Variants in NIN observed in about 807,000 individuals in gnomAD.
The protein encoded by NIN is ninein.
NIN carries 137 observed loss-of-function variants against 257.6 expected under a neutral mutation model. The ratio of observed to expected loss-of-function variants is 0.53; its 90% CI spans 0.46 to 0.61. NIN has a LOEUF of 0.61. Ranked by LOEUF, NIN falls within the 20% of genes least tolerant of loss-of-function variation. The pLI is 0.00. For synonymous variants in NIN, 918 were observed against 919.8 expected, an observed-to-expected ratio of 1.00 and a Z score of 0.04; for missense variants, 2,439 against 2,501.2, an observed-to-expected ratio of 0.98 and a Z score of 0.53.
chr14:50,743,544 G>GAA lies in NIN; in HGVS notation c.5188-17_5188-16dup, dbSNP rs777550534. 1 of 1,558,174 alleles carries GAA rather than the reference G, an allele frequency of 6.4e-7. No homozygotes were observed. Among genetic ancestry groups the GAA allele is most frequent in the Non-Finnish European group, 8.8e-7 (1 of 1,130,014 alleles). ...GATTTTGCCAACTGTTTCAGGAAGG[G>GAA]AAAAAGAGGTAAGAGGGCATTTTTG... is the stretch of plus-strand genomic sequence containing the variant. On this transcript the variant is annotated splice_polypyrimidine_tract_variant and intron_variant, in intron 23 of 30. Coordinates refer to ENST00000530997, the MANE Select transcript of NIN (RefSeq NM_020921.4).
intron 28 of NIN, among the ~76,000 whole-genome samples, chr14:50,733,156 G>A (rs1020889287): frequency 4.0e-5 from 6 of 151,230 alleles, no homozygotes; most frequent in Non-Finnish European, 7.4e-5. Context: ...GCAGTGGCAC[G>A]ATCTTGGCTC....
chr14:50,813,424 G>A (rs2044732489), intron 3 of NIN, among the ~76,000 whole-genome samples: 1 of 152,116 alleles, frequency 6.6e-6, no homozygotes, highest in South Asian at 2.1e-4. Flanking sequence ...CACGACTGAC[G>A]AAAAATACAC....
At chr14:50,768,118 T>C (rs1310697618) in intron 12 of NIN, among the ~76,000 whole-genome samples, 1 of 151,844 alleles carries the variant, frequency 6.6e-6, no homozygotes, top group East Asian at 1.9e-4. Flanking sequence ...ATTTGACATT[T>C]TTCTTTTCCA....
In NIN at chr14:50,721,099, CCTT is replaced by C. The variant is rs2140294563; in HGVS notation, c.*2361_*2363del. The C allele has an allele frequency of 5.1e-6, 1 of 196,748 alleles. No homozygotes were observed. The highest frequency in any genetic ancestry group is 1.1e-5 in the Non-Finnish European group (1 of 94,822). 12.2% of individuals were successfully genotyped at this position (196,748 alleles called of 1,614,324 possible). A position where few individuals can be genotyped will look rare whatever the true frequency, so the allele number is the denominator to read the frequency against. On this transcript the variant is annotated 3_prime_UTR_variant, in exon 31 of 31. Coordinates refer to ENST00000530997, the MANE Select transcript of NIN (RefSeq NM_020921.4). The stretch of plus-strand genomic sequence containing the variant: ...CAACTAAATTATAAATTGCCACTCA[CCTT>C]CTCAAAAATTGTTGCACAAATGCAT...
chr14:50,802,259 AT>A (rs1473316675), intron 4 of NIN, among the ~76,000 whole-genome samples: 4 of 152,172 alleles, frequency 2.6e-5, no homozygotes, highest in African/African-American at 9.7e-5. Flanking sequence ...CTTTATCTGA[AT>A]TTCAATATTT....
intron 12 of NIN, among the ~76,000 whole-genome samples, chr14:50,767,140 C>T (rs1189455879): frequency 6.6e-6 from 1 of 152,204 alleles, no homozygotes. Flanking sequence ...CTGCTAGTAG[C>T]CATACTGGGT....
chr14:50,763,805 A>G (rs1195786656), intron 15 of NIN, 21 bp downstream of exon 15: 2 of 1,610,962 alleles, frequency 1.2e-6, no homozygotes, highest in African/African-American at 2.7e-5. Context: ...CTTTATCTAC[A>G]GCCTGTCCGA....
At chr14:50,729,747 G>C (rs745360444) in intron 28 of NIN, 24 bp from the exon 29 acceptor site, 1 of 1,545,072 alleles carries the variant, frequency 6.5e-7, no homozygotes, top group Non-Finnish European at 8.7e-7. Flanking sequence ...GCAAAGCCCT[G>C]TTCAGCTGAG....
rs1180835022 is a variant in NIN, at chr14:50,831,031, C to T, written c.-101G>A. 4.0e-5 allele frequency: 6 copies of T among 150,858 alleles called. No homozygotes were observed. Among genetic ancestry groups the T allele is most frequent in the African/African-American group, 7.3e-5 (3 of 41,266 alleles). The allele number at this position is 150,858 out of a possible 1,614,324, so 9.3% of individuals were successfully genotyped here. ...TGCGTCCCGGGGCTCAGGCGCCCGG[C>T]GCCGCCGCGGGAACCATGGCCGCTG... On this transcript the variant is annotated 5_prime_UTR_variant, in exon 1 of 31. Transcript: ENST00000530997.
intron 4 of NIN, among the ~76,000 whole-genome samples, chr14:50,803,290 T>G (rs942065253): frequency 2.6e-5 from 4 of 151,924 alleles, no homozygotes; most frequent in African/African-American, 4.8e-5. Context: ...GAGGCGGAGG[T>G]TGCAGTGAAC....
intron 18 of NIN, 106 bp downstream of exon 18, chr14:50,756,386 T>C (rs530854562): frequency 3.3e-6 from 4 of 1,208,148 alleles, no homozygotes; most frequent in African/African-American, 3.0e-5. Flanking sequence ...ACTGCTCTCT[T>C]CGTGAAGACT....
chr14:50,740,631 A>C (rs2041238877), intron 25 of NIN, among the ~76,000 whole-genome samples: 1 of 152,080 alleles, frequency 6.6e-6, no homozygotes, highest in Non-Finnish European at 1.5e-5. Flanking sequence ...TACAAGCGTG[A>C]GCCACCATGC....
intron 30 of NIN, 118 bp from the exon 31 acceptor site, chr14:50,723,790 A>G: frequency 1.3e-6 from 1 of 776,442 alleles, no homozygotes. Flanking sequence ...GTCTAATTAT[A>G]TTCTTTTATT....
At chr14:50,735,695 T>C in intron 27 of NIN, 78 bp from the exon 28 acceptor site, 1 of 1,475,908 alleles carries the variant, frequency 6.8e-7, no homozygotes, top group South Asian at 1.4e-5. Context: ...TTGACAAATC[T>C]GTGCTTGTCA....
At chr14:50,779,499 C>T (rs1450749450) in intron 5 of NIN, among the ~76,000 whole-genome samples, 1 of 152,148 alleles carries the variant, frequency 6.6e-6, no homozygotes, top group African/African-American at 2.4e-5. Context: ...TGGCTTGCGC[C>T]TGTAATCCCA....
chr14:50,725,287 TC>T (rs1282529346), intron 30 of NIN, among the ~76,000 whole-genome samples: 3 of 152,016 alleles, frequency 2.0e-5, no homozygotes, highest in Non-Finnish European at 4.4e-5. Flanking sequence ...TATAACACTC[TC>T]CCAGAGGGTA....
intron 21 of NIN, among the ~76,000 whole-genome samples, chr14:50,751,402 G>A (rs1162659276): frequency 6.6e-6 from 1 of 152,178 alleles, no homozygotes; most frequent in Non-Finnish European, 1.5e-5. Context: ...AAGCATGAAA[G>A]AGTCTGTTTC....
intron 2 of NIN, among the ~76,000 whole-genome samples, chr14:50,826,571 T>C (rs190271505): frequency 2.0e-5 from 3 of 152,034 alleles, no homozygotes; most frequent in Admixed American, 2.0e-4. Flanking sequence ...TAGGTGGAGG[T>C]GTGGCTAGAA....
chr14:50,784,567 A>C (rs2141949702), intron 5 of NIN, among the ~76,000 whole-genome samples: 1 of 152,354 alleles, frequency 6.6e-6, no homozygotes, highest in East Asian at 1.9e-4. Context: ...GAACAAGGGC[A>C]GAAAAAACAG....
Sources: gnomAD v4.1 joint callset for allele counts (sites outside exome capture counted in the v4.1 genomes callset) on GRCh38, gnomAD v4.1.1 for gene constraint, MANE v1.5 for transcripts, NCBI Gene and HGNC (gene_info 2026-07-23, HGNC 2026-07-21) for gene names.